Variants in CNGA3 observed in about 807,000 individuals in gnomAD.
CNGA3 encodes the protein cyclic nucleotide-gated channel alpha-3.
In CNGA3, 42 loss-of-function variants were observed where a neutral mutation model predicts 46.6. The observed-to-expected ratio is 0.90, with a 90% CI of 0.70 to 1.17. The LOEUF (loss-of-function observed/expected upper bound fraction) is 1.17. Among genes scored for constraint, CNGA3 ranks in the 50% most tolerant of loss-of-function variants. CNGA3 has a pLI of 0.00. For synonymous variants in CNGA3, 394 were observed against 369.4 expected, an observed-to-expected ratio of 1.07 and a Z score of -0.76; for missense variants, 893 against 890.7, an observed-to-expected ratio of 1.00 and a Z score of -0.03.
chr2:98,383,598 C>A lies in CNGA3; in HGVS notation c.449+157C>A, dbSNP rs137932553. On this transcript the variant is annotated intron_variant, in intron 5 of 7. Transcript: ENST00000272602. ...CCTGTTCCCTTCGTTGGAATTCCAT[C>A]CCTGTGGACAGAAGTCGGGGAGGGA... 5.3e-3 allele frequency among the ~76,000 whole-genome samples: 810 copies of A among 152,324 alleles called. 6 individuals are homozygous for A. Among genetic ancestry groups the A allele is most frequent in the African/African-American group, 0.019 (785 of 41,576 alleles).
chr2:98,348,196 C>G (rs566811872), intron 1 of CNGA3, among the ~76,000 whole-genome samples: 3 of 152,080 alleles, frequency 2.0e-5, no homozygotes, highest in Admixed American at 6.5e-5. Flanking sequence ...TCGGTTCAGC[C>G]ACAGAGAGGG....
chr2:98,397,135 G>C lies in CNGA3; in HGVS notation c.1965G>C (p.Gln655His). 1 of 1,614,150 alleles carries C rather than the reference G, an allele frequency of 6.2e-7. No individual in the cohort carries two copies. The highest frequency in any genetic ancestry group is 8.5e-7 in the Non-Finnish European group (1 of 1,180,012). ...ARLLAEYNAT[Q>H]MKMKQRLSQL... ...TCCTGGCTGAGTACAACGCCACCCA[G>C]ATGAAGATGAAGCAGCGTCTCAGCC... is the stretch of plus-strand genomic sequence containing the variant. Residue 655 changes from glutamine (Q) to histidine (H), a missense_variant, in exon 8 of 8, where the codon CAG (glutamine) becomes CAC (histidine). Physicochemically the swap from Gln to His is conservative, Grantham distance 24. This residue lies in a region of CNGA3 where 548 missense variants were observed against 570.8 expected (regional missense o/e 0.96). Coordinates refer to ENST00000272602, the MANE Select transcript of CNGA3 (RefSeq NM_001298.3).
At chr2:98,348,581 A>T (rs62156266) in intron 1 of CNGA3, among the ~76,000 whole-genome samples, 19,198 of 151,580 alleles carry the variant, frequency 0.13, 1,811 homozygotes, top group Non-Finnish European at 0.19. Context: ...CCTCATTCCC[A>T]CAGCGTCCTG....
At chr2:98,386,910 G>A (rs568027194) in intron 5 of CNGA3, among the ~76,000 whole-genome samples, 22 of 152,306 alleles carry the variant, frequency 1.4e-4, no homozygotes, top group African/African-American at 5.3e-4. Context: ...AGGAATCAGA[G>A]CCCCGCCTAG....
chr2:98,394,190 C>T (rs949806234), intron 7 of CNGA3, among the ~76,000 whole-genome samples: 6 of 152,180 alleles, frequency 3.9e-5, no homozygotes, highest in African/African-American at 1.2e-4. Context: ...TCTCTACTTT[C>T]GTGCATGTTT....
chr2:98,377,758 C>T lies in CNGA3; in HGVS notation c.173C>T (p.Ala58Val), dbSNP rs1574375743. 1 of 1,612,962 alleles carries T rather than the reference C, an allele frequency of 6.2e-7. No homozygotes were observed. The highest frequency in any genetic ancestry group is 8.5e-7 in the Non-Finnish European group (1 of 1,179,968). The change falls in exon 3 of 8, where the codon GCT (alanine) becomes GTT (valine). Residue 58 changes from alanine (A) to valine (V), a missense_variant. Coordinates refer to ENST00000272602, the MANE Select transcript of CNGA3 (RefSeq NM_001298.3). ...PGIAMETRGL[A>V]DSGQGSFTGQ... ...ATCGCCATGGAGACCAGAGGACTGG[C>T]TGACTCCGGGCAGGGCTCCTTCACC...
At position 98,380,291 on chromosome 2, in the gene CNGA3, C is replaced by G. The variant is rs755819041; in HGVS notation, c.332C>G (p.Ser111Cys). Residue 111 changes from serine to cysteine, a missense_variant, in exon 4 of 8, where the codon TCC becomes TGC. By Grantham distance (112) the Ser-to-Cys change is moderately radical (BLOSUM62 -1). Coordinates refer to ENST00000272602, the MANE Select transcript of CNGA3 (RefSeq NM_001298.3). The part of the protein sequence containing the change: ...RFRGAELKEV[S>C]SQESNAQANV... Reference sequence around the variant, plus strand: ...CGTGGAGCCGAGCTTAAGGAGGTGTCCAGCCAAGAAAGCAATGCCCAGGCA... The same window carrying G: ...CGTGGAGCCGAGCTTAAGGAGGTGTGCAGCCAAGAAAGCAATGCCCAGGCA... The G allele has an allele frequency of 2.5e-6, 4 of 1,614,044 alleles. No individual in the cohort carries two copies. In the East Asian group the frequency reaches 8.9e-5, roughly 36 times the overall value.
intron 1 of CNGA3, among the ~76,000 whole-genome samples, chr2:98,366,266 C>T (rs535620280): frequency 1.3e-3 from 202 of 152,326 alleles, no homozygotes; most frequent in African/African-American, 4.8e-3. Flanking sequence ...TGGCTGCCTG[C>T]TCCTTCATCC....
At chr2:98,378,140 C>T in intron 3 of CNGA3, 1 of 1,550,768 alleles carries the variant, frequency 6.4e-7, no homozygotes, top group East Asian at 2.4e-5. Flanking sequence ...TGGGTGGACA[C>T]AGTGGTGTGC....
intron 2 of CNGA3, among the ~76,000 whole-genome samples, chr2:98,371,839 C>T (rs748563552): frequency 2.6e-5 from 4 of 152,140 alleles, no homozygotes; most frequent in Admixed American, 6.5e-5. Flanking sequence ...AAGAGAGGGT[C>T]GGGCATCAGG....
At chr2:98,386,468 C>T (rs1488848757) in intron 5 of CNGA3, among the ~76,000 whole-genome samples, 1 of 152,200 alleles carries the variant, frequency 6.6e-6, no homozygotes, top group African/African-American at 2.4e-5. Flanking sequence ...CCTGCACAGA[C>T]TCTTTGCGTG....
intron 1 of CNGA3, 90 bp downstream of exon 1, chr2:98,346,624 T>C: frequency 2.5e-6 from 1 of 394,398 alleles, no homozygotes; most frequent in Non-Finnish European, 4.5e-6. Flanking sequence ...GGAGGTAAGT[T>C]AGAGAACCAC....
chr2:98,350,440 G>A (rs1452789761), intron 1 of CNGA3, among the ~76,000 whole-genome samples: 5 of 152,182 alleles, frequency 3.3e-5, no homozygotes, highest in Non-Finnish European at 4.4e-5. Context: ...TTCCATGCTT[G>A]CAATTAGGTT....
Position 98,395,954 on chromosome 2 carries a change from G to A in CNGA3, c.784G>A (p.Ala262Thr), listed in dbSNP as rs750175156. The A allele has an allele frequency of 2.5e-6, 4 of 1,614,040 alleles. No individual in the cohort carries two copies. Among genetic ancestry groups the A allele is most frequent in the Non-Finnish European group, 3.4e-6 (4 of 1,180,022 alleles). ...GTTGTCCCTGGTCCCCACCGACCTG[G>A]CTTACTTAAAGGTGGGCACAAACTA... ...DVLSLVPTDL[A>T]YLKVGTNYPE... is the part of the protein sequence containing the mutation. The change falls in exon 8 of 8, where the codon GCT (alanine) becomes ACT (threonine). Residue 262 changes from alanine to threonine, a missense_variant. Ala to Thr is a moderately conservative substitution (Grantham distance 58). This residue lies in a region of CNGA3 where 548 missense variants were observed against 570.8 expected (regional missense o/e 0.96). Coordinates refer to ENST00000272602, the MANE Select transcript of CNGA3 (RefSeq NM_001298.3).
chr2:98,360,936 T>A (rs1692016899), intron 1 of CNGA3, among the ~76,000 whole-genome samples: 1 of 152,172 alleles, frequency 6.6e-6, no homozygotes, highest in Non-Finnish European at 1.5e-5. Context: ...AAAATCAGAT[T>A]TCAATATATT....
intron 1 of CNGA3, among the ~76,000 whole-genome samples, chr2:98,354,667 C>A (rs1037706509): frequency 2.6e-5 from 4 of 152,144 alleles, no homozygotes; most frequent in African/African-American, 9.7e-5. Context: ...CACCTGTGGT[C>A]CCAGCTACTT....
intron 1 of CNGA3, among the ~76,000 whole-genome samples, chr2:98,360,316 A>T (rs12463616): frequency 0.22 from 34,075 of 152,222 alleles, 4,320 homozygotes; most frequent in Admixed American, 0.36. Flanking sequence ...TACTGCCTCC[A>T]TGCAATGGCA....
intron 5 of CNGA3, among the ~76,000 whole-genome samples, chr2:98,387,647 G>T (rs896616299): frequency 6.6e-6 from 1 of 152,174 alleles, no homozygotes; most frequent in Non-Finnish European, 1.5e-5. Flanking sequence ...GAACCGTCTC[G>T]CAGCCCAGCA....
At chr2:98,395,796 A>G (rs10184555) in intron 7 of CNGA3, 48 bp from the exon 8 acceptor site, 1 of 1,559,850 alleles carries the variant, frequency 6.4e-7, no homozygotes. Context: ...CTATGGTCAA[A>G]AAAAGTCAGC....
Sources: allele counts gnomAD v4.1 joint callset (sites outside exome capture counted in the v4.1 genomes callset), GRCh38; gene constraint gnomAD v4.1.1; regional missense constraint gnomAD v4.1.1; transcripts MANE v1.5; gene names NCBI Gene and HGNC (gene_info 2026-07-23, HGNC 2026-07-21).